The following RALB variants were observed in gnomAD, a reference collection of about 807,000 sequenced individuals.
RALB encodes ras-related protein Ral-B.
RALB carries 16 observed loss-of-function variants against 21.3 expected under a neutral mutation model. The ratio of observed to expected loss-of-function variants is 0.75; its 90% confidence interval spans 0.51 to 1.14. The LOEUF (loss-of-function observed/expected upper bound fraction) is 1.14, where lower values mean the gene tolerates loss of function less well. Ranked by LOEUF, RALB falls within the 50% of genes most tolerant of loss-of-function variation. The pLI, the probability that RALB is intolerant of heterozygous loss-of-function variation, is 0.00. For missense variants in RALB, 161 were observed against 256.2 expected (o/e 0.63, Z 2.54); for synonymous variants, 93 against 96.1 (o/e 0.97, Z 0.19).
intron 4 of RALB, 57 bp from the exon 5 acceptor site, chr2:120,293,084 A>T (rs1690345057): frequency 1.3e-6 from 2 of 1,514,270 alleles, no homozygotes; most frequent in Admixed American, 4.7e-5. Context: ...AAAAGAAAAA[A>T]ATCATTAAAT....
At chr2:120,247,224 G>A (rs1279120052) in intron 1 of RALB, among the ~76,000 whole-genome samples, 1 of 152,218 alleles carries the variant, frequency 6.6e-6, no homozygotes, top group Non-Finnish European at 1.5e-5. Context: ...GTATGTCTCA[G>A]TTACAAGACA....
At chr2:120,270,502 G>A (rs1689635615) in intron 1 of RALB, among the ~76,000 whole-genome samples, 1 of 152,202 alleles carries the variant, frequency 6.6e-6, no homozygotes, top group Admixed American at 6.5e-5. Context: ...TTTGTGGAAA[G>A]AAAAGGGCTG....
At chr2:120,266,509 A>C (rs991777746) in intron 1 of RALB, among the ~76,000 whole-genome samples, 7 of 152,060 alleles carry the variant, frequency 4.6e-5, no homozygotes, top group African/African-American at 1.7e-4. Context: ...GGCCTCCCAA[A>C]GTGCTGGGAT....
intron 1 of RALB, among the ~76,000 whole-genome samples, chr2:120,277,389 ATG>A (rs527337710): frequency 1.1e-3 from 169 of 150,616 alleles, no homozygotes; most frequent in Non-Finnish European, 1.8e-3. Context: ...GTGAACATGT[ATG>A]TGTGAGAGCA....
intron 1 of RALB, among the ~76,000 whole-genome samples, chr2:120,265,497 C>T (rs534874476): frequency 6.6e-6 from 1 of 152,328 alleles, no homozygotes; most frequent in South Asian, 2.1e-4. Flanking sequence ...TGTTTTAGAG[C>T]TTGTGCTCTG....
chr2:120,278,959 C>G (rs1246732864), intron 2 of RALB, among the ~76,000 whole-genome samples, 181 bp downstream of exon 2: 2 of 152,202 alleles, frequency 1.3e-5, no homozygotes, highest in African/African-American at 4.8e-5. Context: ...ATTGCTGATT[C>G]TAGGTAAATA....
intron 1 of RALB, among the ~76,000 whole-genome samples, chr2:120,267,390 A>G (rs1689530297): frequency 3.7e-5 from 3 of 82,092 alleles, no homozygotes; most frequent in South Asian, 6.7e-4. Context: ...TCTGGTTTTT[A>G]TAGACATGGA....
chr2:120,242,449 T>C (rs1341156534), intron 1 of RALB, among the ~76,000 whole-genome samples: 1 of 152,268 alleles, frequency 6.6e-6, no homozygotes, highest in East Asian at 1.9e-4. Flanking sequence ...GCGCAGTGGC[T>C]CACGCCTATA....
intron 1 of RALB, 100 bp from the exon 2 acceptor site, chr2:120,278,518 G>A (rs1689903544): frequency 1.8e-6 from 2 of 1,142,756 alleles, no homozygotes; most frequent in East Asian, 3.1e-5. Flanking sequence ...CTGTTGGAAT[G>A]TCTGGGTTAG....
intron 1 of RALB, among the ~76,000 whole-genome samples, chr2:120,241,990 A>G (rs1034246042): frequency 2.6e-5 from 4 of 152,224 alleles, no homozygotes; most frequent in African/African-American, 9.6e-5. Flanking sequence ...CATTCTCACG[A>G]TAGGCCAGAG....
intron 4 of RALB, among the ~76,000 whole-genome samples, chr2:120,291,353 A>G (rs930326573): frequency 6.6e-6 from 1 of 152,066 alleles, no homozygotes; most frequent in Non-Finnish European, 1.5e-5. Context: ...CTCTTATATT[A>G]TTGTGCTACT....
rs1473326388 is a variant in RALB at position 120,294,206 on chromosome 2, T to G, written c.*946T>G. On this transcript the variant is annotated 3_prime_UTR_variant, in exon 5 of 5. Transcript: ENST00000272519. Reference sequence around the variant, plus strand: ...GTCACACACACTCTTCCCAAAGACGTGATGAGTTAAAGTTGTATTCTGAAA... The same window carrying G: ...GTCACACACACTCTTCCCAAAGACGGGATGAGTTAAAGTTGTATTCTGAAA... The G allele has an allele frequency of 2.5e-6, 1 of 398,456 alleles. No individual in the cohort carries two copies. The highest frequency in any genetic ancestry group is 4.4e-6 in the Non-Finnish European group (1 of 226,062). The allele number at this position is 398,456 out of a possible 1,614,324, so 24.7% of individuals were successfully genotyped here. A position where few individuals can be genotyped will look rare whatever the true frequency, so the allele number is the denominator to read the frequency against.
intron 3 of RALB, among the ~76,000 whole-genome samples, chr2:120,288,192 G>T (rs1690213735): frequency 6.6e-6 from 1 of 152,150 alleles, no homozygotes. Context: ...ATGATCACAT[G>T]ACTTCAAATG....
At chr2:120,263,664 A>G (rs966335922) in intron 1 of RALB, among the ~76,000 whole-genome samples, 3 of 149,252 alleles carry the variant, frequency 2.0e-5, no homozygotes, top group South Asian at 4.3e-4. Context: ...GGCTCAAGCA[A>G]TCCTCCCACC....
chr2:120,250,196 G>A (rs1000920970), upstream of RALB, among the ~76,000 whole-genome samples: 5 of 152,196 alleles, frequency 3.3e-5, no homozygotes, highest in Non-Finnish European at 7.3e-5. Context: ...AGCAGGCTAA[G>A]CTATGTGCAG....
chr2:120,278,586 C>T (rs758492202), intron 1 of RALB, 32 bp from the exon 2 acceptor site: 1 of 1,391,946 alleles, frequency 7.2e-7, no homozygotes, highest in African/African-American at 1.5e-5. Context: ...GAAAGCAAAT[C>T]GCCTCTAAGT....
At chr2:120,270,527 A>G (rs1168812925) in intron 1 of RALB, among the ~76,000 whole-genome samples, 1 of 152,256 alleles carries the variant, frequency 6.6e-6, no homozygotes. Flanking sequence ...ATGCAGAAAC[A>G]TAGAACCCAA....
intron 1 of RALB, among the ~76,000 whole-genome samples, chr2:120,271,830 C>T (rs1007694756): frequency 2.6e-5 from 4 of 152,188 alleles, no homozygotes; most frequent in African/African-American, 9.7e-5. Flanking sequence ...TGAGAAATTA[C>T]ATTAAAATGC....
At chr2:120,266,958 G>A (rs1210590658) in intron 1 of RALB, among the ~76,000 whole-genome samples, 1 of 152,106 alleles carries the variant, frequency 6.6e-6, no homozygotes, top group Non-Finnish European at 1.5e-5. Flanking sequence ...AGGCATGGGG[G>A]CCCCCTGAGA....
Sources: allele counts gnomAD v4.1 joint callset (sites outside exome capture counted in the v4.1 genomes callset), GRCh38; gene constraint gnomAD v4.1.1; transcripts MANE v1.5; gene names NCBI Gene and HGNC (gene_info 2026-07-23, HGNC 2026-07-21).